Variants in MIA2 observed in about 807,000 individuals in gnomAD.
MIA2 encodes the protein MIA SH3 domain ER export factor 2, also known as melanoma inhibitory activity protein 2.
Under a neutral mutation model 167.8 loss-of-function variants are expected in MIA2, and 127 were observed. The ratio of observed to expected loss-of-function variants is 0.76; its 90% CI spans 0.66 to 0.88. The LOEUF (loss-of-function observed/expected upper bound fraction) is 0.88, where lower values mean the gene tolerates loss of function less well. Among genes scored for constraint, MIA2 ranks in the 40% least tolerant of loss-of-function variants. The probability of loss-of-function intolerance (pLI) is 0.00; values close to 1 mark genes in which losing one functional copy is unlikely to be tolerated. For synonymous variants in MIA2, 552 were observed against 541.9 expected (o/e 1.02, Z -0.26); for missense variants, 1,690 against 1,624.7 (o/e 1.04, Z -0.69).
chr14:39,266,748 G>T (rs1176919211), intron 6 of MIA2: 1 of 985,014 alleles, frequency 1.0e-6, no homozygotes, highest in Non-Finnish European at 1.2e-6. Flanking sequence ...CCGCCGTCAG[G>T]ACTTCTGCAG....
At chr14:39,348,659 A>G in intron 27 of MIA2, 84 bp from the exon 28 acceptor site, 17 of 1,546,058 alleles carry the variant, frequency 1.1e-5, no homozygotes, top group Non-Finnish European at 1.3e-5. Context: ...TTCTGTCTAG[A>G]TGATTTCTTC....
At chr14:39,293,413 A>G in intron 11 of MIA2, 32 bp downstream of exon 11, 1 of 1,351,676 alleles carries the variant, frequency 7.4e-7, no homozygotes, top group Non-Finnish European at 1.0e-6. Context: ...AGAATATAAG[A>G]AAAAGAAAGT....
intron 3 of MIA2, among the ~76,000 whole-genome samples, chr14:39,244,008 G>C (rs1249301690): frequency 1.3e-5 from 2 of 152,242 alleles, no homozygotes; most frequent in African/African-American, 4.8e-5. Context: ...TAGACTGAGT[G>C]GGGGAACCCA....
chr14:39,330,922 A>G (rs1041248696), intron 25 of MIA2, among the ~76,000 whole-genome samples: 2 of 152,162 alleles, frequency 1.3e-5, no homozygotes, highest in African/African-American at 4.8e-5. Context: ...GGCACTGAGA[A>G]AAATGTATAT....
downstream of MIA2, among the ~76,000 whole-genome samples, chr14:39,353,083 C>T (rs114737004): frequency 0.016 from 2,365 of 152,112 alleles, 63 homozygotes; most frequent in African/African-American, 0.054. Context: ...TAATATTTTA[C>T]GTATTAGTGA....
intron 4 of MIA2, among the ~76,000 whole-genome samples, chr14:39,251,717 A>T (rs1341395713): frequency 6.6e-6 from 1 of 152,136 alleles, no homozygotes; most frequent in Admixed American, 6.5e-5. Flanking sequence ...CTATTACTAA[A>T]TTACTGGTAT....
intron 25 of MIA2, among the ~76,000 whole-genome samples, chr14:39,330,582 G>T (rs948537334): frequency 4.6e-5 from 7 of 151,998 alleles, no homozygotes; most frequent in Admixed American, 2.6e-4. Flanking sequence ...TTTCCCGCTT[G>T]ATCTCCTGTG....
At position 39,350,226 on chromosome 14, in the gene MIA2, C is replaced by T. The variant is rs1454834244; in HGVS notation, c.4201C>T (p.Pro1401Ser). Residue 1401 changes from proline (P) to serine (S), a missense_variant, in exon 29 of 29, where the codon CCT (proline) becomes TCT (serine). Pro to Ser is a moderately conservative substitution (Grantham distance 74). Coordinates refer to ENST00000640607, the MANE Select transcript of MIA2 (RefSeq NM_001329214.4). Reference sequence around the variant, plus strand: ...AGGTTTGATTCCACCTTCAAATGAGCCTGCTACTGAACATCCAGAACCACA... The same window carrying T: ...AGGTTTGATTCCACCTTCAAATGAGTCTGCTACTGAACATCCAGAACCACA... ...PSGLIPPSNE[P>S]ATEHPEPQQE... 1 of 1,519,654 alleles carries T rather than the reference C, an allele frequency of 6.6e-7. No homozygotes were observed. 94.1% of individuals were successfully genotyped at this position (1,519,654 alleles called of 1,614,324 possible).
intron 13 of MIA2, 65 bp downstream of exon 13, chr14:39,295,094 A>T: frequency 2.7e-6 from 3 of 1,102,782 alleles, no homozygotes; most frequent in Non-Finnish European, 4.2e-6. Context: ...TGTCATCCTC[A>T]TGACTGACCC....
At chr14:39,244,519 T>C (rs1281323660) in intron 3 of MIA2, among the ~76,000 whole-genome samples, 4 of 152,198 alleles carry the variant, frequency 2.6e-5, no homozygotes. Context: ...CTTAATCATG[T>C]ACTAGACTGC....
intron 18 of MIA2, among the ~76,000 whole-genome samples, chr14:39,309,225 T>G (rs377733719): frequency 6.6e-6 from 1 of 152,226 alleles, no homozygotes; most frequent in Non-Finnish European, 1.5e-5. Context: ...TCTCCTGCAC[T>G]GTGTTTTCTC....
At chr14:39,269,073 A>ATTTT in intron 6 of MIA2, 5 of 362,136 alleles carry the variant, frequency 1.4e-5, no homozygotes, top group East Asian at 2.8e-4. Flanking sequence ...TCACCTGCAC[A>ATTTT]GTTTTTTTTT....
At chr14:39,318,109 TC>T in intron 22 of MIA2, 98 bp downstream of exon 22, 1 of 803,770 alleles carries the variant, frequency 1.2e-6, no homozygotes, top group Non-Finnish European at 2.0e-6. Flanking sequence ...TTGCAGTGAA[TC>T]CAGCATATCT....
chr14:39,378,741 T>G (rs2075094414), intron 23 of MIA2, among the ~76,000 whole-genome samples: 1 of 152,214 alleles, frequency 6.6e-6, no homozygotes, highest in Non-Finnish European at 1.5e-5. Context: ...AAATTTCATA[T>G]TTGACAATAC....
At chr14:39,253,582 G>C (rs1020450295) in intron 6 of MIA2, 6 of 183,428 alleles carry the variant, frequency 3.3e-5, no homozygotes, top group African/African-American at 1.4e-4. Context: ...TAAAAGGGAA[G>C]AGTGAGCCCA....
intron 14 of MIA2, among the ~76,000 whole-genome samples, chr14:39,300,862 C>A (rs1242534521): frequency 2.0e-5 from 3 of 151,682 alleles, no homozygotes; most frequent in Non-Finnish European, 4.4e-5. Context: ...AGTTATGTTG[C>A]TACTAAGAAT....
intron 9 of MIA2, among the ~76,000 whole-genome samples, chr14:39,290,504 A>G (rs2060588264): frequency 6.6e-6 from 1 of 152,176 alleles, no homozygotes; most frequent in Non-Finnish European, 1.5e-5. Flanking sequence ...CCTACCTTTT[A>G]AAGATTTTTA....
At chr14:39,318,130 T>TG in intron 22 of MIA2, 119 bp downstream of exon 22, 1 of 687,358 alleles carries the variant, frequency 1.5e-6, no homozygotes, top group Non-Finnish European at 2.4e-6. Context: ...TTGTGAGATA[T>TG]CTATTAGTTT....
intron 7 of MIA2, among the ~76,000 whole-genome samples, chr14:39,277,631 G>A (rs554690250): frequency 7.4e-6 from 1 of 135,926 alleles, no homozygotes; most frequent in African/African-American, 2.7e-5. Flanking sequence ...TTACAGGTTT[G>A]AGCCACCATG....
Sources: allele counts gnomAD v4.1 joint callset (sites outside exome capture counted in the v4.1 genomes callset), GRCh38; gene constraint gnomAD v4.1.1; transcripts MANE v1.5; gene names NCBI Gene and HGNC (gene_info 2026-07-23, HGNC 2026-07-21).